The following AGAP1 variants were observed in gnomAD, a reference collection of about 807,000 sequenced individuals.
AGAP1 encodes the protein arf-GAP with GTPase, ANK repeat and PH domain-containing protein 1.
A neutral mutation model predicts 105.3 loss-of-function variants in AGAP1; 29 were observed. The ratio of observed to expected loss-of-function variants is 0.28; its 90% CI spans 0.21 to 0.38. The LOEUF is 0.38. AGAP1 is among the 10% of genes least tolerant of loss of function. The pLI is 1.00. For missense variants in AGAP1, 998 were observed against 1,165.1 expected (o/e 0.86, Z 2.09); for synonymous variants, 509 against 485.9 (o/e 1.05, Z -0.63).
intron 11 of AGAP1, among the ~76,000 whole-genome samples, chr2:235,921,328 T>C (rs1390798734): frequency 1.3e-5 from 2 of 152,246 alleles, no homozygotes; most frequent in South Asian, 2.1e-4. Flanking sequence ...TATAAAGTTA[T>C]ATCTTTTCTG....
At position 235,906,836 on chromosome 2, in the gene AGAP1, G is replaced by A. The variant is rs988406767; in HGVS notation, c.1156-1902G>A. Reference sequence around the variant, plus strand: ...CAAACATCTACTTGTTGATAAACCCGTGACTCCTTCACAAGTGTGGGTGTT... The same window carrying A: ...CAAACATCTACTTGTTGATAAACCCATGACTCCTTCACAAGTGTGGGTGTT... On this transcript the variant is annotated intron_variant, in intron 10 of 17. Coordinates refer to ENST00000304032, the MANE Select transcript of AGAP1 (RefSeq NM_001037131.3). This position sits in a 1 kb window ranked among gnomAD's most constrained non-coding sequence, Gnocchi z 5.3. 2.0e-4 allele frequency among the ~76,000 whole-genome samples: 30 copies of A among 150,420 alleles called. No individual in the cohort carries two copies. Among genetic ancestry groups the A allele is most frequent in the African/African-American group, 7.3e-4 (29 of 39,836 alleles).
rs913898020 is a variant in AGAP1 at position 235,747,195 on chromosome 2, C to T, written c.538+2356C>T. Among the ~76,000 whole-genome samples, 1 of 152,116 alleles carries T rather than the reference C, an allele frequency of 6.6e-6. No individual in the cohort carries two copies. Among genetic ancestry groups the T allele is most frequent in the African/African-American group, 2.4e-5 (1 of 41,434 alleles). ...GTCCCTGCCCCTGGAGGCAGCGTAT[C>T]CCTCTGAGTCTCCTGCCTGAGCCAA... On this transcript the variant is annotated intron_variant, in intron 5 of 17. Transcript: ENST00000304032. The surrounding 1 kb of genome is among the most constrained non-coding windows in gnomAD (Gnocchi z 5.0).
At chr2:236,094,291 T>TAA (rs201524432) in intron 16 of AGAP1, among the ~76,000 whole-genome samples, 5 of 139,512 alleles carry the variant, frequency 3.6e-5, no homozygotes, top group East Asian at 2.0e-4. Context: ...TCTATATCTT[T>TAA]AAAAAAAAAA....
chr2:235,520,522 TG>T (rs1373404399), intron 1 of AGAP1, among the ~76,000 whole-genome samples: 2 of 152,196 alleles, frequency 1.3e-5, no homozygotes, highest in Non-Finnish European at 2.9e-5. Flanking sequence ...TTGTTTGGTT[TG>T]GTTGGACTCC....
intron 1 of AGAP1, among the ~76,000 whole-genome samples, chr2:235,627,444 C>T (rs559860072): frequency 6.6e-6 from 1 of 152,222 alleles, no homozygotes; most frequent in East Asian, 1.9e-4. Flanking sequence ...CTGCTGGTCT[C>T]GAACTCCTGA....
At chr2:235,715,519 C>G (rs781004562) in intron 2 of AGAP1, among the ~76,000 whole-genome samples, 7 of 152,188 alleles carry the variant, frequency 4.6e-5, no homozygotes, top group Non-Finnish European at 8.8e-5. Flanking sequence ...GCGGCAAGTT[C>G]ATGGACCTGC....
At chr2:235,547,499 C>T (rs1276454198) in intron 1 of AGAP1, among the ~76,000 whole-genome samples, 1 of 151,932 alleles carries the variant, frequency 6.6e-6, no homozygotes, top group East Asian at 1.9e-4. Context: ...GCTGGGATTA[C>T]AGACATGCAC....
At position 236,124,375 on chromosome 2, in the gene AGAP1, G is replaced by A. The variant is rs1184348631; in HGVS notation, c.*253G>A. 2.3e-5 allele frequency: 13 copies of A among 554,910 alleles called. No individual in the cohort carries two copies. In the East Asian group the frequency reaches 2.5e-4, roughly 11 times the overall value. The allele number at this position is 554,910 out of a possible 1,614,324, so 34.4% of individuals were successfully genotyped here. A position where few individuals can be genotyped will look rare whatever the true frequency, so the allele number is the denominator to read the frequency against. ...TCCCCTAAACCACACACAGGAGAGA[G>A]CGACGGGCCTCGGCCCTTTGATGAT... is the stretch of plus-strand genomic sequence containing the variant. On this transcript the variant is annotated 3_prime_UTR_variant, in exon 18 of 18. Coordinates refer to ENST00000304032, the MANE Select transcript of AGAP1 (RefSeq NM_001037131.3). The surrounding 1 kb of genome is among the most constrained non-coding windows in gnomAD (Gnocchi z 5.1).
At chr2:235,572,982 C>A (rs1944583459) in intron 1 of AGAP1, among the ~76,000 whole-genome samples, 1 of 27,048 alleles carries the variant, frequency 3.7e-5, no homozygotes. Context: ...CTTTTTTCTT[C>A]TTCTTCTTCT....
intron 1 of AGAP1, among the ~76,000 whole-genome samples, chr2:235,696,112 C>A (rs925470787): frequency 2.1e-4 from 32 of 152,280 alleles, no homozygotes; most frequent in Non-Finnish European, 4.0e-4. Context: ...GTGGCGTGAT[C>A]TCAGCTCACT....
intron 1 of AGAP1, among the ~76,000 whole-genome samples, chr2:235,638,388 G>C (rs35454233): frequency 0.11 from 17,070 of 152,188 alleles, 1,344 homozygotes; most frequent in East Asian, 0.33. Context: ...GCACAGGGTG[G>C]CTGCTCTGTA....
intron 2 of AGAP1, among the ~76,000 whole-genome samples, chr2:235,710,296 C>T (rs76005824): frequency 0.064 from 9,786 of 152,270 alleles, 386 homozygotes; most frequent in South Asian, 0.17. Context: ...CAAAGAACTT[C>T]TAGGTCTTTG....
In AGAP1 at chr2:235,888,542, A is replaced by G. The variant is rs1157399647; in HGVS notation, c.1155+5093A>G. ...AACATGGAGAGACCCCATCTCTACA[A>G]CAAATAAAAAAGTGAGCCAGGTGTG... is the stretch of plus-strand genomic sequence containing the variant. On this transcript the variant is annotated intron_variant, in intron 10 of 17. Transcript: ENST00000304032. The surrounding 1 kb of genome is among the most constrained non-coding windows in gnomAD (Gnocchi z 4.8). Among the ~76,000 whole-genome samples, 1 of 152,118 alleles carries G rather than the reference A, an allele frequency of 6.6e-6. No homozygotes were observed. Among genetic ancestry groups the G allele is most frequent in the Non-Finnish European group, 1.5e-5 (1 of 67,998 alleles).
chr2:235,543,122 C>CGTTGGGT (rs543153121), intron 1 of AGAP1, among the ~76,000 whole-genome samples: 3,517 of 143,152 alleles, frequency 0.025, 68 homozygotes, highest in African/African-American at 0.033. Flanking sequence ...CCCTGCCCCT[C>CGTTGGGT]GTTGGGTGTT....
At chr2:235,521,709 C>T (rs921655194) in intron 1 of AGAP1, among the ~76,000 whole-genome samples, 22 of 147,850 alleles carry the variant, frequency 1.5e-4, no homozygotes, top group Admixed American at 5.4e-4. Context: ...ACGTTGGGAT[C>T]GATCCAGTTT....
rs998416601 is a variant in AGAP1 at position 235,788,442 on chromosome 2, G to A, written c.674-9317G>A. On this transcript the variant is annotated intron_variant, in intron 6 of 17. Transcript: ENST00000304032. This position sits in a 1 kb window ranked among gnomAD's most constrained non-coding sequence, Gnocchi z 6.0. ...TAGCTGAGTTTGAAAACTGGAGAAG[G>A]CATGGATGAGAGCAATGCTGAGGGA... Among the ~76,000 whole-genome samples, 50 of 152,174 alleles carry A rather than the reference G, an allele frequency of 3.3e-4. 1 individual carries two copies. The highest frequency in any genetic ancestry group is 1.1e-3 in the African/African-American group (47 of 41,512).
intron 9 of AGAP1, among the ~76,000 whole-genome samples, chr2:235,816,957 T>C (rs1414207577): frequency 2.0e-5 from 3 of 152,150 alleles, no homozygotes; most frequent in Non-Finnish European, 4.4e-5. Flanking sequence ...TTATTTCAGT[T>C]CTGCAGTATT....
In AGAP1 at chr2:235,864,765, CCTTTT is replaced by C. The variant is rs1361827864; in HGVS notation, c.1051-18570_1051-18566del. ...ATTTTGTTTTTCTTAGTTTCCTTTT[CCTTTT>C]CTTTTCTTTCCTTTGGATGGAGGAG... is the stretch of plus-strand genomic sequence containing the variant. On this transcript the variant is annotated intron_variant, in intron 9 of 17. Transcript: ENST00000304032. The surrounding 1 kb of genome is among the most constrained non-coding windows in gnomAD (Gnocchi z 5.0). Among the ~76,000 whole-genome samples, 3 of 151,302 alleles carry C rather than the reference CCTTTT, an allele frequency of 2.0e-5. No individual in the cohort carries two copies. Among genetic ancestry groups the C allele is most frequent in the African/African-American group, 7.4e-5 (3 of 40,636 alleles).
chr2:235,942,279 C>T (rs183193212), intron 12 of AGAP1, among the ~76,000 whole-genome samples: 101 of 152,228 alleles, frequency 6.6e-4, no homozygotes, highest in Non-Finnish European at 1.3e-3. Context: ...CGGGTAGAGC[C>T]GTCACTGAAA....
Sources: gnomAD v4.1 joint callset for allele counts (sites outside exome capture counted in the v4.1 genomes callset) on GRCh38, gnomAD v4.1.1 for gene constraint, Gnocchi (gnomAD v3.1) non-coding constraint, MANE v1.5 for transcripts, NCBI Gene and HGNC (gene_info 2026-07-23, HGNC 2026-07-21) for gene names.